OPCML: variants seen among roughly 807,000 people sequenced by gnomAD.
OPCML encodes opioid binding protein/cell adhesion molecule like.
A neutral mutation model predicts 37.8 loss-of-function variants in OPCML; 13 were observed. The observed-to-expected ratio is 0.34, with a 90% CI of 0.22 to 0.55. The LOEUF is 0.55. Among genes scored for constraint, OPCML ranks in the 20% least tolerant of loss-of-function variants. OPCML has a pLI of 0.91. For synonymous variants in OPCML, 176 were observed against 168.8 expected, an observed-to-expected ratio of 1.04 and a Z score of -0.33; for missense variants, 341 against 435.6, an observed-to-expected ratio of 0.78 and a Z score of 1.93.
At chr11:132,496,164 A>C (rs2096230660) in intron 4 of OPCML, among the ~76,000 whole-genome samples, 1 of 152,134 alleles carries the variant, frequency 6.6e-6, no homozygotes, top group Non-Finnish European at 1.5e-5. Context: ...TACTCTTCAG[A>C]GCCTCAGTCA....
intron 3 of OPCML, among the ~76,000 whole-genome samples, chr11:132,603,291 C>T (rs1156321110): frequency 2.0e-5 from 3 of 152,296 alleles, no homozygotes; most frequent in African/African-American, 2.4e-5. Context: ...TACCTTTTTA[C>T]TTTAAGCCAG....
At chr11:132,622,427 A>G (rs1939477179) in intron 3 of OPCML, among the ~76,000 whole-genome samples, 1 of 152,216 alleles carries the variant, frequency 6.6e-6, no homozygotes, top group African/African-American at 2.4e-5. Flanking sequence ...AGGACTTGAG[A>G]TGAGAAATAA....
At chr11:132,866,558 C>A (rs188932558) in intron 2 of OPCML, among the ~76,000 whole-genome samples, 45 of 152,302 alleles carry the variant, frequency 3.0e-4, no homozygotes, top group Admixed American at 2.5e-3. Flanking sequence ...CGACAAGGAA[C>A]AATCGTGGAT....
intron 4 of OPCML, among the ~76,000 whole-genome samples, chr11:132,441,800 G>C (rs186070391): frequency 1.6e-3 from 250 of 152,338 alleles, no homozygotes; most frequent in Non-Finnish European, 2.4e-3. Context: ...CCGGGGATGT[G>C]GGGGTTGTTG....
chr11:133,192,659 C>T (rs1056540625), intron 1 of OPCML, among the ~76,000 whole-genome samples: 1 of 152,180 alleles, frequency 6.6e-6, no homozygotes, highest in Non-Finnish European at 1.5e-5. Context: ...GTCACTTAGC[C>T]TCCTTGAGTC....
chr11:133,359,144 C>A (rs4600215), intron 1 of OPCML, among the ~76,000 whole-genome samples: 2 of 152,240 alleles, frequency 1.3e-5, no homozygotes, highest in Non-Finnish European at 2.9e-5. Flanking sequence ...GTGTTTGATT[C>A]GCTTGCTATT....
intron 1 of OPCML, among the ~76,000 whole-genome samples, chr11:133,266,343 C>A (rs894671731): frequency 6.6e-6 from 1 of 152,158 alleles, no homozygotes; most frequent in African/African-American, 2.4e-5. Flanking sequence ...TAGCTGGGAG[C>A]CCTCACCAAC....
At chr11:132,659,665 C>T (rs1941867444) in intron 2 of OPCML, among the ~76,000 whole-genome samples, 1 of 151,824 alleles carries the variant, frequency 6.6e-6, no homozygotes. Context: ...GCCTTTAGAA[C>T]ATATTCACAT....
chr11:133,004,052 G>A, intron 1 of OPCML: 1 of 985,402 alleles, frequency 1.0e-6, no homozygotes, highest in Non-Finnish European at 1.2e-6. Flanking sequence ...CAGCTGGGAA[G>A]GAGGAAGCGA....
chr11:132,614,104 C>T (rs1022875814), intron 3 of OPCML, among the ~76,000 whole-genome samples: 2 of 152,020 alleles, frequency 1.3e-5, no homozygotes, highest in African/African-American at 4.8e-5. Context: ...CAGAATATGA[C>T]CCCAACCAAC....
chr11:132,795,202 T>C (rs1057383336), intron 2 of OPCML, among the ~76,000 whole-genome samples: 15 of 152,222 alleles, frequency 9.9e-5, no homozygotes, highest in African/African-American at 3.4e-4. Context: ...GTACATTTCA[T>C]ACGTTTGAAT....
At chr11:133,368,200 G>C (rs961287993) in intron 1 of OPCML, among the ~76,000 whole-genome samples, 1 of 151,022 alleles carries the variant, frequency 6.6e-6, no homozygotes, top group Non-Finnish European at 1.5e-5. Flanking sequence ...AGAGGGAAAG[G>C]TAGAAGGAGG....
chr11:132,695,380 C>T (rs1207140893), intron 2 of OPCML, among the ~76,000 whole-genome samples: 1 of 152,074 alleles, frequency 6.6e-6, no homozygotes, highest in Admixed American at 6.5e-5. Flanking sequence ...ACAATGGAAG[C>T]CATGGAAGTG....
intron 1 of OPCML, among the ~76,000 whole-genome samples, chr11:133,163,554 C>T (rs888577535): frequency 2.0e-5 from 3 of 152,176 alleles, no homozygotes; most frequent in Admixed American, 1.3e-4. Context: ...CACTGCAATA[C>T]CTCTTGAATG....
Position 132,513,030 on chromosome 11 carries a change from T to G in OPCML, c.505+16031A>C, listed in dbSNP as rs963243919. On this transcript the variant is annotated intron_variant, in intron 4 of 7. Coordinates refer to ENST00000524381, the MANE Select transcript of OPCML (RefSeq NM_001012393.5). ...TTCTTCCCTTATGTTCACTGTCTGTTTAGCCATTCATGATTCACTCTTCAT... is the reference window on the plus strand; with the variant it reads ...TTCTTCCCTTATGTTCACTGTCTGTGTAGCCATTCATGATTCACTCTTCAT... Among the ~76,000 whole-genome samples the G allele has an allele frequency of 2.0e-5, 3 of 152,128 alleles. No homozygotes were observed. In the East Asian group the frequency reaches 5.8e-4, roughly 29 times the overall value.
chr11:132,418,087 A>G lies in OPCML; in HGVS notation c.*2106T>C, dbSNP rs1174754627. 6.6e-6 allele frequency: 1 copy of G among 152,228 alleles called. No individual in the cohort carries two copies. The highest frequency in any genetic ancestry group is 2.4e-5 in the African/African-American group (1 of 41,450). 9.4% of individuals were successfully genotyped at this position (152,228 alleles called of 1,614,324 possible). ...TAGATATCTCTGTGTGTGTTTCCCC[A>G]TGGCAGAGGTCACACTCATGTGCCT... On this transcript the variant is annotated 3_prime_UTR_variant, in exon 8 of 8. Coordinates refer to ENST00000524381, the MANE Select transcript of OPCML (RefSeq NM_001012393.5).
chr11:132,821,290 C>G lies in OPCML; in HGVS notation c.146+121636G>C, dbSNP rs1305194276. On this transcript the variant is annotated intron_variant, in intron 2 of 7. Coordinates refer to ENST00000524381, the MANE Select transcript of OPCML (RefSeq NM_001012393.5). ...CTCATTTCTAGCAAGGAGATCCAGA[C>G]ATCCCCTAGGCACAAGGCAAGGCAG... Among the ~76,000 whole-genome samples, 2 of 152,172 alleles carry G rather than the reference C, an allele frequency of 1.3e-5. 1 individual carries two copies. Among genetic ancestry groups the G allele is most frequent in the Non-Finnish European group, 2.9e-5 (2 of 68,040 alleles).
chr11:133,512,671 C>A (rs1321950364), intron 1 of OPCML, among the ~76,000 whole-genome samples: 1 of 152,162 alleles, frequency 6.6e-6, no homozygotes. Context: ...CAGGAGCCTA[C>A]CAAAGAGTTG....
In OPCML at chr11:133,458,574, C is replaced by CTGTGTGTGTATACACATATATACACTGT. The variant is rs1555161986; in HGVS notation, c.61+73689_61+73690insACAGTGTATATATGTGTATACACACACA. ...GTGTGTGTGTATACACATATATACA[C>CTGTGTGTGTATACACATATATACACTGT]GTGTGTGTACACATATATACACGTG... On this transcript the variant is annotated intron_variant, in intron 1 of 7. Coordinates refer to ENST00000524381, the MANE Select transcript of OPCML (RefSeq NM_001012393.5). Among the ~76,000 whole-genome samples the CTGTGTGTGTATACACATATATACACTGT allele has an allele frequency of 4.7e-5, 4 of 85,824 alleles. 1 individual carries two copies. The East Asian group carries it at 1.3e-3, about 27-fold the overall frequency. 56.3% of individuals were successfully genotyped at this position (85,824 alleles called of 152,430 possible). A position where few individuals can be genotyped will look rare whatever the true frequency, so the allele number is the denominator to read the frequency against.
Sources: allele counts gnomAD v4.1 joint callset (sites outside exome capture counted in the v4.1 genomes callset), GRCh38; gene constraint gnomAD v4.1.1; transcripts MANE v1.5; gene names NCBI Gene and HGNC (gene_info 2026-07-23, HGNC 2026-07-21).